The following ADGRB3 variants were observed in gnomAD, a reference collection of about 807,000 sequenced individuals.
The protein encoded by ADGRB3 is brain-specific angiogenesis inhibitor 3.
In ADGRB3, 37 loss-of-function variants were observed where a neutral mutation model predicts 193.4. That is an observed-to-expected ratio of 0.19 (90% CI 0.15 to 0.25). The LOEUF (loss-of-function observed/expected upper bound fraction) is 0.25. Ranked by LOEUF, ADGRB3 falls within the 10% of genes least tolerant of loss-of-function variation. The pLI, the probability that ADGRB3 is intolerant of heterozygous loss-of-function variation, is 1.00. For synonymous variants in ADGRB3, 690 were observed against 644.2 expected (o/e 1.07, Z -1.08); for missense variants, 1,637 against 1,852.9 (o/e 0.88, Z 2.14).
chr6:69,297,047 C>T (rs1767834486), intron 20 of ADGRB3, among the ~76,000 whole-genome samples: 1 of 152,082 alleles, frequency 6.6e-6, no homozygotes, highest in Non-Finnish European at 1.5e-5. Flanking sequence ...TCATCTTTCT[C>T]AGACTTTTAC....
chr6:69,097,698 G>A (rs941115640), intron 17 of ADGRB3, among the ~76,000 whole-genome samples: 1 of 149,954 alleles, frequency 6.7e-6, no homozygotes, highest in African/African-American at 2.4e-5. Context: ...GTGTATATAT[G>A]TGTGTGTGTG....
chr6:69,165,276 G>A (rs1283342661), intron 17 of ADGRB3, among the ~76,000 whole-genome samples: 1 of 151,946 alleles, frequency 6.6e-6, no homozygotes, highest in Admixed American at 6.6e-5. Context: ...AGTTATTTAT[G>A]GTCAGCTCAA....
At chr6:69,331,488 A>G (rs1248151230) in intron 23 of ADGRB3, 8 of 971,468 alleles carry the variant, frequency 8.2e-6, no homozygotes, top group Non-Finnish European at 9.8e-6. Context: ...ATTGGAAGGT[A>G]GTGACATCCT....
At chr6:68,895,112 G>T (rs547645852) in intron 3 of ADGRB3, among the ~76,000 whole-genome samples, 6 of 151,766 alleles carry the variant, frequency 4.0e-5, no homozygotes, top group Admixed American at 2.6e-4. Flanking sequence ...TTCTGAAGAT[G>T]ATATTCATTA....
At chr6:68,741,728 T>C (rs1345646712) in intron 3 of ADGRB3, among the ~76,000 whole-genome samples, 1 of 152,174 alleles carries the variant, frequency 6.6e-6, no homozygotes, top group Non-Finnish European at 1.5e-5. Context: ...CTATCATAAG[T>C]ATAGAAGAGT....
intron 3 of ADGRB3, among the ~76,000 whole-genome samples, chr6:68,868,916 T>TGA (rs1169705703): frequency 6.8e-6 from 1 of 147,792 alleles, no homozygotes. Flanking sequence ...TAATGATGTG[T>TGA]GTGTGTGTGT....
chr6:69,031,315 CCTG>C (rs1367250341), intron 13 of ADGRB3, among the ~76,000 whole-genome samples: 1 of 151,468 alleles, frequency 6.6e-6, no homozygotes, highest in African/African-American at 2.4e-5. Flanking sequence ...TGGTTGGGGG[CCTG>C]TAGTCCCAGC....
chr6:68,959,047 T>C (rs1768160962), intron 8 of ADGRB3, among the ~76,000 whole-genome samples: 1 of 152,100 alleles, frequency 6.6e-6, no homozygotes, highest in Admixed American at 6.5e-5. Context: ...TTTTTTAATT[T>C]ACAAAAGGGG....
intron 3 of ADGRB3, among the ~76,000 whole-genome samples, chr6:68,888,584 ACTC>A (rs1289822326): frequency 6.7e-6 from 1 of 149,880 alleles, no homozygotes; most frequent in Non-Finnish European, 1.5e-5. Flanking sequence ...CATAAAAAAA[ACTC>A]CTGCCCTCCA....
In ADGRB3 at chr6:68,933,751, A is replaced by G. The variant is rs1022268072; in HGVS notation, c.869-2768A>G. ...AATCTTCACAGATTTTGAAGTAAAT[A>G]TAATATTCATTTTATCGAAGACATT... On this transcript the variant is annotated intron_variant, in intron 4 of 31. Coordinates refer to ENST00000370598, the MANE Select transcript of ADGRB3 (RefSeq NM_001704.3). Among the ~76,000 whole-genome samples the G allele has an allele frequency of 2.0e-5, 3 of 152,246 alleles. No individual in the cohort carries two copies. In the East Asian group the frequency reaches 5.8e-4, roughly 29 times the overall value.
Position 69,372,320 on chromosome 6 carries a change from T to G in ADGRB3, c.4240-86T>G, listed in dbSNP as rs552017297. The stretch of plus-strand genomic sequence containing the variant: ...ATAAAACAAGCAGGATTATCTTTAA[T>G]GAAAATGATGATTTTTCATTTTGTT... On this transcript the variant is annotated intron_variant, in intron 29 of 31. Transcript: ENST00000370598. 5.5e-6 allele frequency: 4 copies of G among 730,390 alleles called. No individual in the cohort carries two copies. In the Admixed American group the frequency reaches 1.5e-4, roughly 27 times the overall value. 45.2% of individuals were successfully genotyped at this position (730,390 alleles called of 1,614,324 possible).
chr6:68,966,182 G>A (rs1340389457), intron 8 of ADGRB3, among the ~76,000 whole-genome samples: 2 of 151,968 alleles, frequency 1.3e-5, no homozygotes, highest in Admixed American at 6.6e-5. Context: ...ATCAGCCATA[G>A]TGCTGAGCCC....
chr6:68,779,228 TTA>T (rs1554192669), intron 3 of ADGRB3, among the ~76,000 whole-genome samples: 2,078 of 93,370 alleles, frequency 0.022, 53 homozygotes, highest in African/African-American at 0.072. Context: ...TATGTATATA[TTA>T]TGTGTGTGTG....
intron 17 of ADGRB3, among the ~76,000 whole-genome samples, chr6:69,171,856 C>T (rs897497930): frequency 9.2e-5 from 14 of 152,120 alleles, no homozygotes; most frequent in African/African-American, 3.1e-4. Flanking sequence ...TTTTCTTCCT[C>T]AGTAATGCAG....
chr6:68,746,409 C>T (rs1048809101), intron 3 of ADGRB3, among the ~76,000 whole-genome samples: 2 of 152,024 alleles, frequency 1.3e-5, no homozygotes, highest in South Asian at 2.1e-4. Context: ...CTTTCTATAA[C>T]TATGTTTAGG....
intron 3 of ADGRB3, among the ~76,000 whole-genome samples, chr6:68,817,432 T>C (rs1767659452): frequency 6.8e-6 from 1 of 148,090 alleles, no homozygotes; most frequent in South Asian, 2.1e-4. Flanking sequence ...ATTCATTAGA[T>C]ATCTAGTTTT....
chr6:69,217,152 G>C (rs996400037), intron 17 of ADGRB3, among the ~76,000 whole-genome samples: 1 of 152,122 alleles, frequency 6.6e-6, no homozygotes, highest in African/African-American at 2.4e-5. Context: ...TGAGTGGGTG[G>C]CGCAGATGTC....
At position 69,069,731 on chromosome 6, in the gene ADGRB3, T is replaced by TA. The variant is rs754345752; in HGVS notation, c.2437-6245dup. ...GGGTGACAGAGTGAGACTCTCTCAT[T>TA]AAAAAAAAAAAAAAAAAAAGAAAGA... On this transcript the variant is annotated intron_variant, in intron 16 of 31. Coordinates refer to ENST00000370598, the MANE Select transcript of ADGRB3 (RefSeq NM_001704.3). 1.7e-3 allele frequency among the ~76,000 whole-genome samples: 179 copies of TA among 108,216 alleles called. 1 individual carries two copies. Among genetic ancestry groups the TA allele is most frequent in the Middle Eastern group, 5.2e-3 (1 of 194 alleles). 71.0% of individuals were successfully genotyped at this position (108,216 alleles called of 152,430 possible).
At chr6:69,351,321 C>G (rs966223839) in intron 26 of ADGRB3, among the ~76,000 whole-genome samples, 2 of 151,568 alleles carry the variant, frequency 1.3e-5, no homozygotes, top group African/African-American at 4.8e-5. Flanking sequence ...TCTCGAACTC[C>G]TGACCTCATG....
Sources: gnomAD v4.1 joint callset for allele counts (sites outside exome capture counted in the v4.1 genomes callset) on GRCh38, gnomAD v4.1.1 for gene constraint, MANE v1.5 for transcripts, NCBI Gene and HGNC (gene_info 2026-07-23, HGNC 2026-07-21) for gene names.